The following ZNF461 variants were observed in gnomAD, a reference collection of about 807,000 sequenced individuals.
The protein encoded by ZNF461 is gonadotropin-inducible ovarian transcription factor-1.
In ZNF461, 16 loss-of-function variants were observed where a neutral mutation model predicts 18.3. The ratio of observed to expected loss-of-function variants is 0.88; its 90% CI spans 0.59 to 1.33. The LOEUF (loss-of-function observed/expected upper bound fraction) is 1.33. Ranked by LOEUF, ZNF461 falls within the 40% of genes most tolerant of loss-of-function variation. The pLI is 0.00. For synonymous variants in ZNF461, 179 were observed against 216.9 expected, an observed-to-expected ratio of 0.83 and a Z score of 1.54; for missense variants, 595 against 669.9, an observed-to-expected ratio of 0.89 and a Z score of 1.23.
rs773231460 is a variant in ZNF461 at position 36,638,826 on chromosome 19, T to C, written c.1519A>G (p.Ser507Gly). Residue 507 changes from serine to glycine, a missense_variant, in exon 6 of 6, where the codon AGC (serine) becomes GGC (glycine). Transcript: ENST00000588268. ...TGGTGTGAGAAGCTTGAATGATAGC[T>C]AAAGGCCTTCCCACATTCCTTACAT... is the stretch of plus-strand genomic sequence containing the variant. ...YECKECGKAFSYHSSFSHHQR... is the reference protein window; with the variant it reads ...YECKECGKAFGYHSSFSHHQR... The C allele has an allele frequency of 1.3e-5, 21 of 1,614,134 alleles. No individual in the cohort carries two copies. The highest frequency in any genetic ancestry group is 1.3e-5 in the African/African-American group (1 of 75,054).
In ZNF461 at chr19:36,638,646, A is replaced by G. The variant is rs963725876; in HGVS notation, c.*7T>C. ...ACAAAGACAATGTATATTTCCATCA[A>G]CAAATTTCATGATGCTAGACTAGGA... On this transcript the variant is annotated 3_prime_UTR_variant, in exon 6 of 6. Transcript: ENST00000588268. 2 of 1,577,546 alleles carry G rather than the reference A, an allele frequency of 1.3e-6. No individual in the cohort carries two copies. The highest frequency in any genetic ancestry group is 8.6e-7 in the Non-Finnish European group (1 of 1,161,286).
chr19:36,643,583 C>T (rs1193417434), intron 5 of ZNF461: 1 of 346,582 alleles, frequency 2.9e-6, no homozygotes, highest in Non-Finnish European at 5.0e-6. Context: ...TACTTATTCT[C>T]TTACCACTGG....
intron 5 of ZNF461, chr19:36,643,464 G>T: frequency 6.0e-6 from 1 of 166,224 alleles, no homozygotes; most frequent in East Asian, 1.6e-4. Context: ...CTATATAGCA[G>T]CAGTACTCAA....
In ZNF461 at chr19:36,638,159, G is replaced by A. The variant is rs1026856730; in HGVS notation, c.*494C>T. The A allele has an allele frequency of 1.7e-5, 3 of 180,406 alleles. No homozygotes were observed. The highest frequency in any genetic ancestry group is 7.2e-5 in the African/African-American group (3 of 41,590). 11.2% of individuals were successfully genotyped at this position (180,406 alleles called of 1,614,324 possible). ...AAATATTCTGAACCTTACAAAGAATGGGTTACATCTTTACGTACTGACCTG... is the reference window on the plus strand; with the variant it reads ...AAATATTCTGAACCTTACAAAGAATAGGTTACATCTTTACGTACTGACCTG... On this transcript the variant is annotated 3_prime_UTR_variant, in exon 6 of 6. Transcript: ENST00000588268.
chr19:36,656,679 AGAGAT>A, intron 3 of ZNF461, 136 bp from the exon 4 acceptor site: 1 of 669,634 alleles, frequency 1.5e-6, no homozygotes, highest in Non-Finnish European at 2.5e-6. Flanking sequence ...ATAAAGGAGA[AGAGAT>A]GAAACACTCA....
intron 4 of ZNF461, among the ~76,000 whole-genome samples, chr19:36,647,195 C>G (rs1022347181): frequency 6.6e-6 from 1 of 152,264 alleles, no homozygotes; most frequent in Admixed American, 6.5e-5. Flanking sequence ...AGTGAAATTG[C>G]TGCATCATAG....
chr19:36,646,692 A>C (rs1388923929), intron 4 of ZNF461, among the ~76,000 whole-genome samples: 1 of 152,218 alleles, frequency 6.6e-6, no homozygotes, highest in African/African-American at 2.4e-5. Flanking sequence ...GTGAGTTTTA[A>C]TTTAATAGAT....
Position 36,639,693 on chromosome 19 carries a change from G to T in ZNF461, c.652C>A (p.Leu218Ile), listed in dbSNP as rs1208847705. 5 of 1,613,668 alleles carry T rather than the reference G, an allele frequency of 3.1e-6. No individual in the cohort carries two copies. The African/African-American group carries it at 5.3e-5, about 17-fold the overall frequency. The change falls in exon 6 of 6, where the codon CTT (leucine) becomes ATT (isoleucine). Residue 218 changes from leucine to isoleucine, a missense_variant. Physicochemically the swap from Leu to Ile is conservative, Grantham distance 5 (BLOSUM62 2). Coordinates refer to ENST00000588268, the MANE Select transcript of ZNF461 (RefSeq NM_153257.5). ...SHHKRTHSKE[L>I]SECKECTEIV... The stretch of plus-strand genomic sequence containing the variant: ...TCTGTGCATTCTTTACATTCAGAAA[G>T]TTCTTTAGAATGAGTTCTTTTGTGG...
intron 4 of ZNF461, among the ~76,000 whole-genome samples, chr19:36,648,799 G>A (rs959925565): frequency 1.3e-5 from 2 of 151,890 alleles, no homozygotes; most frequent in Non-Finnish European, 2.9e-5. Context: ...CAGGCTGATC[G>A]CGAACTCCTA....
At chr19:36,656,581 G>T in intron 3 of ZNF461, 38 bp from the exon 4 acceptor site, 1 of 1,490,008 alleles carries the variant, frequency 6.7e-7, no homozygotes, top group South Asian at 1.1e-5. Flanking sequence ...AGATGGAAAT[G>T]AATGTATCCA....
intron 2 of ZNF461, among the ~76,000 whole-genome samples, chr19:36,664,442 G>A (rs2037868203): frequency 6.6e-6 from 1 of 152,108 alleles, no homozygotes; most frequent in Admixed American, 6.5e-5. Context: ...ACAAAAATTA[G>A]CTGGGTGTGG....
intron 4 of ZNF461, among the ~76,000 whole-genome samples, chr19:36,644,520 T>A (rs1421381925): frequency 6.9e-6 from 1 of 145,900 alleles, no homozygotes. Context: ...CCTCCCGCCT[T>A]GGCCTCCCAA....
chr19:36,659,191 A>G (rs527418942), intron 2 of ZNF461, among the ~76,000 whole-genome samples: 4 of 152,292 alleles, frequency 2.6e-5, no homozygotes, highest in African/African-American at 9.6e-5. Context: ...CCCAAACAAC[A>G]GTCAGCAACA....
At chr19:36,660,996 T>C (rs1803171406) in intron 2 of ZNF461, among the ~76,000 whole-genome samples, 1 of 152,044 alleles carries the variant, frequency 6.6e-6, no homozygotes, top group African/African-American at 2.4e-5. Flanking sequence ...GAAATAGAAG[T>C]ATCCAGTTGT....
rs2037875852 is a variant in ZNF461 at position 36,664,739 on chromosome 19, C to A, written c.-33G>T. ...TTTAGAATTGAATGTATTATTTAAT[C>A]CTCTTCTTCGTTCCCTCTGGAAGAA... On this transcript the variant is annotated 5_prime_UTR_variant, in exon 2 of 6. Coordinates refer to ENST00000588268, the MANE Select transcript of ZNF461 (RefSeq NM_153257.5). 1 of 1,455,256 alleles carries A rather than the reference C, an allele frequency of 6.9e-7. No individual in the cohort carries two copies. The highest frequency in any genetic ancestry group is 2.6e-5 in the East Asian group (1 of 38,482). 90.1% of individuals were successfully genotyped at this position (1,455,256 alleles called of 1,614,324 possible).
At chr19:36,647,727 TCC>T (rs964306458) in intron 4 of ZNF461, among the ~76,000 whole-genome samples, 14 of 152,246 alleles carry the variant, frequency 9.2e-5, no homozygotes, top group African/African-American at 3.4e-4. Flanking sequence ...CGGATATGTG[TCC>T]CCTCTAAATC....
chr19:36,664,802 G>GT lies in ZNF461; in HGVS notation c.-80-17dup. ...GAAGGTGTTGCTGGGAGAGAGGGGA[G>GT]TTAAAAAAAAGACAGGAGATTATTG... On this transcript the variant is annotated splice_polypyrimidine_tract_variant and intron_variant, in intron 1 of 5. Transcript: ENST00000588268. 3.0e-6 allele frequency: 3 copies of GT among 983,932 alleles called. No individual in the cohort carries two copies. In the Middle Eastern group the frequency reaches 6.9e-4, roughly 227 times the overall value. 61.0% of individuals were successfully genotyped at this position (983,932 alleles called of 1,614,324 possible).
At chr19:36,644,021 C>T (rs2037476690) in intron 4 of ZNF461, among the ~76,000 whole-genome samples, 159 bp from the exon 5 acceptor site, 2 of 152,126 alleles carry the variant, frequency 1.3e-5, no homozygotes, top group Admixed American at 1.3e-4. Flanking sequence ...CAACCCCCGC[C>T]TACTGGGTTC....
At chr19:36,666,308 G>A (rs901002843) in intron 1 of ZNF461, among the ~76,000 whole-genome samples, 1 of 151,960 alleles carries the variant, frequency 6.6e-6, no homozygotes, top group African/African-American at 2.4e-5. Context: ...TGGCCAGGCT[G>A]GTATCGAACT....
Sources: allele counts gnomAD v4.1 joint callset (sites outside exome capture counted in the v4.1 genomes callset), GRCh38; gene constraint gnomAD v4.1.1; transcripts MANE v1.5; gene names NCBI Gene and HGNC (gene_info 2026-07-23, HGNC 2026-07-21).